The following IGFBP7 variants were observed in gnomAD, a reference collection of about 807,000 sequenced individuals.
The protein encoded by IGFBP7 is insulin like growth factor binding protein 7.
IGFBP7 carries 31 observed loss-of-function variants against 29.4 expected under a neutral mutation model. The observed-to-expected ratio is 1.05, with a 90% CI of 0.79 to 1.42. IGFBP7 has a LOEUF of 1.42. Ranked by LOEUF, IGFBP7 falls within the 40% of genes most tolerant of loss-of-function variation. The pLI is 0.00. For synonymous variants in IGFBP7, 172 were observed against 174.9 expected, an observed-to-expected ratio of 0.98 and a Z score of 0.13; for missense variants, 393 against 395.5, an observed-to-expected ratio of 0.99 and a Z score of 0.05.
At chr4:57,084,048 A>C (rs903495489) in intron 1 of IGFBP7, among the ~76,000 whole-genome samples, 1 of 152,224 alleles carries the variant, frequency 6.6e-6, no homozygotes, top group African/African-American at 2.4e-5. Flanking sequence ...TGTCCTATAC[A>C]GTAAAATACA....
intron 1 of IGFBP7, among the ~76,000 whole-genome samples, chr4:57,078,398 G>A (rs1195750200): frequency 6.6e-6 from 1 of 151,868 alleles, no homozygotes; most frequent in Non-Finnish European, 1.5e-5. Context: ...CTAAAATTCT[G>A]CCTCAACAAA....
At chr4:57,050,360 T>C (rs1287563839) in intron 1 of IGFBP7, among the ~76,000 whole-genome samples, 3 of 151,662 alleles carry the variant, frequency 2.0e-5, no homozygotes, top group Non-Finnish European at 4.4e-5. Context: ...TTCTCCTGCC[T>C]CATCCTCCTG....
At position 57,108,320 on chromosome 4, in the gene IGFBP7, G is replaced by A. The variant is rs146961732; in HGVS notation, c.475+1557C>T. ...CTAAAGAAAGAATTTGGAAATTCTG[G>A]AGAAAGTCTGAACTGTGTTAAAGAA... On this transcript the variant is annotated intron_variant, in intron 1 of 4. Coordinates refer to ENST00000295666, the MANE Select transcript of IGFBP7 (RefSeq NM_001553.3). 2.0e-4 allele frequency among the ~76,000 whole-genome samples: 31 copies of A among 152,298 alleles called. No individual in the cohort carries two copies. The East Asian group carries it at 5.8e-3, about 28-fold the overall frequency.
intron 1 of IGFBP7, among the ~76,000 whole-genome samples, chr4:57,097,105 A>G (rs1300115114): frequency 6.6e-6 from 1 of 152,190 alleles, no homozygotes; most frequent in Non-Finnish European, 1.5e-5. Flanking sequence ...ATTATTGAAT[A>G]TTTCCTATGT....
chr4:57,087,294 A>G (rs1725520955), intron 1 of IGFBP7, among the ~76,000 whole-genome samples: 1 of 152,190 alleles, frequency 6.6e-6, no homozygotes, highest in Non-Finnish European at 1.5e-5. Context: ...AAAAGTTGCC[A>G]TTGGTACCTG....
At chr4:57,055,909 T>G (rs2109760316) in intron 1 of IGFBP7, among the ~76,000 whole-genome samples, 1 of 152,258 alleles carries the variant, frequency 6.6e-6, no homozygotes, top group South Asian at 2.1e-4. Context: ...GGGATCTCTG[T>G]GTGCGAATAG....
chr4:57,063,962 A>T (rs1578626536), intron 1 of IGFBP7, among the ~76,000 whole-genome samples: 1 of 152,246 alleles, frequency 6.6e-6, no homozygotes, highest in Non-Finnish European at 1.5e-5. Context: ...TTCCTTTATT[A>T]GTCAATTTAT....
chr4:57,057,864 G>GTTAT (rs1387540373), intron 1 of IGFBP7, among the ~76,000 whole-genome samples: 1 of 152,322 alleles, frequency 6.6e-6, no homozygotes, highest in East Asian at 1.9e-4. Context: ...TTGGGAAAGG[G>GTTAT]TTATGGTCTG....
At chr4:57,056,412 T>A (rs1287616159) in intron 1 of IGFBP7, among the ~76,000 whole-genome samples, 1 of 152,040 alleles carries the variant, frequency 6.6e-6, no homozygotes, top group East Asian at 1.9e-4. Flanking sequence ...AGTATTACTG[T>A]GTGTTTGAGT....
At position 57,033,074 on chromosome 4, in the gene IGFBP7, C is replaced by G. The variant is rs1466000088; in HGVS notation, c.702+121G>C. 5.1e-6 allele frequency: 4 copies of G among 790,426 alleles called. No individual in the cohort carries two copies. The African/African-American group carries it at 6.7e-5, about 13-fold the overall frequency. 49.0% of individuals were successfully genotyped at this position (790,426 alleles called of 1,614,324 possible). On this transcript the variant is annotated intron_variant, in intron 3 of 4. Transcript: ENST00000295666. ...GCAGCGACTCCATGGTAAGGCTATT[C>G]CAAACAGATGTGGAAGAGCAAGCAC...
Position 57,037,804 on chromosome 4 carries a change from TAG to T in IGFBP7, c.585+3018_585+3019del, listed in dbSNP as rs1724119622. ...TTGTGTAAGTATCCCTAGAAAACTG[TAG>T]AGAACTGCAACGGAGCTTTTCATGG... On this transcript the variant is annotated intron_variant, in intron 2 of 4. Coordinates refer to ENST00000295666, the MANE Select transcript of IGFBP7 (RefSeq NM_001553.3). Among the ~76,000 whole-genome samples, 6 of 152,132 alleles carry T rather than the reference TAG, an allele frequency of 3.9e-5. 1 individual carries two copies. The South Asian group carries it at 1.2e-3, about 31-fold the overall frequency.
chr4:57,055,324 G>A (rs1036856024), intron 1 of IGFBP7, among the ~76,000 whole-genome samples: 2 of 152,180 alleles, frequency 1.3e-5, no homozygotes, highest in African/African-American at 4.8e-5. Context: ...TGGTCTGGGC[G>A]TGGAGTCTGG....
chr4:57,047,521 G>A (rs1296247846), intron 1 of IGFBP7, among the ~76,000 whole-genome samples: 1 of 152,102 alleles, frequency 6.6e-6, no homozygotes, highest in Non-Finnish European at 1.5e-5. Flanking sequence ...TAGCAAGGAA[G>A]AAGAAAGTTC....
chr4:57,076,293 A>G (rs1725224590), intron 1 of IGFBP7, among the ~76,000 whole-genome samples: 1 of 152,212 alleles, frequency 6.6e-6, no homozygotes, highest in African/African-American at 2.4e-5. Context: ...GGGGACACCA[A>G]TATTCAGACC....
At chr4:57,095,492 C>T (rs1321641499) in intron 1 of IGFBP7, among the ~76,000 whole-genome samples, 2 of 152,110 alleles carry the variant, frequency 1.3e-5, no homozygotes, top group Non-Finnish European at 2.9e-5. Context: ...CAATTGTGGG[C>T]CAAACACTGT....
intron 1 of IGFBP7, among the ~76,000 whole-genome samples, chr4:57,084,482 A>G (rs1224536589): frequency 6.6e-6 from 1 of 152,228 alleles, no homozygotes; most frequent in Non-Finnish European, 1.5e-5. Context: ...TATGCATTAT[A>G]CTATTCTGAT....
chr4:57,109,283 C>CACAAAAAAA (rs1560511739), intron 1 of IGFBP7, among the ~76,000 whole-genome samples: 19 of 152,106 alleles, frequency 1.2e-4, no homozygotes, highest in African/African-American at 4.6e-4. Flanking sequence ...AAACAAAAAA[C>CACAAAAAAA]CAAAAATTGG....
chr4:57,073,103 T>C (rs1488767219), intron 1 of IGFBP7: 2 of 1,594,036 alleles, frequency 1.3e-6, no homozygotes, highest in East Asian at 4.5e-5. Flanking sequence ...AGAAACCTAC[T>C]TAAAGCAGGT....
At chr4:57,052,866 A>G (rs35556281) in intron 1 of IGFBP7, among the ~76,000 whole-genome samples, 36,962 of 151,986 alleles carry the variant, frequency 0.24, 4,877 homozygotes, top group East Asian at 0.33. Flanking sequence ...ATAGTACTCA[A>G]ATATCTCACT....
Sources: gnomAD v4.1 joint callset for allele counts (sites outside exome capture counted in the v4.1 genomes callset) on GRCh38, gnomAD v4.1.1 for gene constraint, MANE v1.5 for transcripts, NCBI Gene and HGNC (gene_info 2026-07-23, HGNC 2026-07-21) for gene names.